Variants in UNC13B observed in about 807,000 individuals in gnomAD.
UNC13B encodes the protein protein unc-13 homolog B.
In UNC13B, 144 loss-of-function variants were observed where a neutral mutation model predicts 211.0. The ratio of observed to expected loss-of-function variants is 0.68; its 90% CI spans 0.60 to 0.78. The LOEUF (loss-of-function observed/expected upper bound fraction) is 0.78, where lower values mean the gene tolerates loss of function less well. Among genes scored for constraint, UNC13B ranks in the 30% least tolerant of loss-of-function variants. The pLI is 0.00. For synonymous variants in UNC13B, 709 were observed against 725.8 expected (o/e 0.98, Z 0.37); for missense variants, 1,777 against 2,002.0 (o/e 0.89, Z 2.14).
chr9:35,399,858 G>T (rs1206834062), intron 36 of UNC13B, 129 bp downstream of exon 36: 2 of 892,912 alleles, frequency 2.2e-6, no homozygotes, highest in East Asian at 5.0e-5. Flanking sequence ...ACTATGTACT[G>T]CCAAGGATAC....
intron 12 of UNC13B, among the ~76,000 whole-genome samples, chr9:35,367,830 G>A (rs1316598243): frequency 2.0e-5 from 3 of 152,156 alleles, no homozygotes; most frequent in African/African-American, 7.2e-5. Flanking sequence ...GTAACTGACT[G>A]TTCTTAAAGA....
intron 11 of UNC13B, among the ~76,000 whole-genome samples, chr9:35,322,148 C>A (rs942177850): frequency 6.6e-6 from 1 of 152,198 alleles, no homozygotes; most frequent in Non-Finnish European, 1.5e-5. Context: ...AGAGTCATCT[C>A]TGTGTCTTCT....
At chr9:35,166,963 A>AT (rs1244363761) in intron 1 of UNC13B, among the ~76,000 whole-genome samples, 1 of 152,196 alleles carries the variant, frequency 6.6e-6, no homozygotes, top group African/African-American at 2.4e-5. Context: ...AGCCTGTGGC[A>AT]TGTGAGCTGC....
intron 9 of UNC13B, among the ~76,000 whole-genome samples, chr9:35,309,901 C>T (rs1397402679): frequency 6.6e-6 from 1 of 152,166 alleles, no homozygotes; most frequent in Non-Finnish European, 1.5e-5. Context: ...CCAATGGGTT[C>T]TATTAACTCA....
At chr9:35,401,869 G>T in intron 37 of UNC13B, 1 of 1,361,648 alleles carries the variant, frequency 7.3e-7, no homozygotes, top group South Asian at 1.3e-5. Context: ...TTGAATGGCT[G>T]TTAACTCCTT....
intron 3 of UNC13B, among the ~76,000 whole-genome samples, chr9:35,234,208 T>G (rs1486754128): frequency 1.3e-5 from 2 of 152,124 alleles, no homozygotes; most frequent in African/African-American, 2.4e-5. Context: ...CTTGATCTCC[T>G]GGGCTCAAAT....
At chr9:35,192,184 A>T (rs978847386) in intron 1 of UNC13B, among the ~76,000 whole-genome samples, 4 of 152,228 alleles carry the variant, frequency 2.6e-5, no homozygotes, top group Non-Finnish European at 5.9e-5. Context: ...TTGAAAGAAC[A>T]TTATAAAAGC....
chr9:35,348,342 A>G (rs1325581558), intron 11 of UNC13B, among the ~76,000 whole-genome samples: 1 of 152,210 alleles, frequency 6.6e-6, no homozygotes, highest in Admixed American at 6.5e-5. Flanking sequence ...TCTCTTCCTC[A>G]GCGTTCAGGC....
chr9:35,209,493 T>C (rs566264688), intron 1 of UNC13B, among the ~76,000 whole-genome samples: 7 of 152,304 alleles, frequency 4.6e-5, no homozygotes, highest in Non-Finnish European at 8.8e-5. Flanking sequence ...TTCTCCTGCC[T>C]CAGCCTCCTA....
chr9:35,240,544 A>G (rs959937785), intron 5 of UNC13B, among the ~76,000 whole-genome samples: 3 of 152,166 alleles, frequency 2.0e-5, no homozygotes, highest in Non-Finnish European at 4.4e-5. Context: ...TCTTGGTTCA[A>G]ATACCACAGA....
At chr9:35,393,819 C>G (rs972242855) in intron 26 of UNC13B, among the ~76,000 whole-genome samples, 1 of 152,068 alleles carries the variant, frequency 6.6e-6, no homozygotes, top group Non-Finnish European at 1.5e-5. Context: ...GATCCACCCC[C>G]CTCAGCCTCC....
chr9:35,384,109 T>C (rs760928957), intron 21 of UNC13B, 137 bp from the exon 22 acceptor site: 82 of 1,351,344 alleles, frequency 6.1e-5, no homozygotes, highest in Non-Finnish European at 7.6e-5. Context: ...GTTCTTCCCA[T>C]GGGCAGGGAT....
intron 6 of UNC13B, among the ~76,000 whole-genome samples, chr9:35,252,943 A>T (rs1826598258): frequency 6.6e-6 from 1 of 152,012 alleles, no homozygotes; most frequent in Non-Finnish European, 1.5e-5. Flanking sequence ...AGAAAAAAAA[A>T]ATTTTTTTTC....
Position 35,396,588 on chromosome 9 carries a change from G to T in UNC13B, c.11421G>T (p.Val3807=). The T allele has an allele frequency of 6.2e-7, 1 of 1,614,022 alleles. No individual in the cohort carries two copies. Among genetic ancestry groups the T allele is most frequent in the Non-Finnish European group, 8.5e-7 (1 of 1,180,028 alleles). ...VRDLPVLQGQ[V]PEYPAWFEQF... ...ATCTGCCTGTCCTCCAGGGGCAGGT[G>T]CCTGAGTACCCAGCGTGAGTCATCA... The change falls in exon 27 of 40, where the codon GTG becomes GTT. Residue 3807 remains valine (V), a synonymous_variant. Transcript: ENST00000635942.
At chr9:35,320,545 T>G (rs1234803220) in intron 11 of UNC13B, among the ~76,000 whole-genome samples, 1 of 152,232 alleles carries the variant, frequency 6.6e-6, no homozygotes, top group African/African-American at 2.4e-5. Context: ...CATATAGAAT[T>G]ATTTATATTT....
Position 35,302,153 on chromosome 9 carries a change from A to G in UNC13B, c.2749A>G (p.Lys917Glu), listed in dbSNP as rs1829717546. 1 of 398,806 alleles carries G rather than the reference A, an allele frequency of 2.5e-6. No homozygotes were observed. Among genetic ancestry groups the G allele is most frequent in the Non-Finnish European group, 4.4e-6 (1 of 225,840 alleles). 24.7% of individuals were successfully genotyped at this position (398,806 alleles called of 1,614,324 possible). Reference protein sequence around the residue: ...SAVTTDEESKKNCHEDTKHSS... With the variant: ...SAVTTDEESKENCHEDTKHSS... Reference sequence around the variant, plus strand: ...AGTAACCACTGATGAGGAGAGCAAAAAAAATTGCCATGAAGATACCAAACA... The same window carrying G: ...AGTAACCACTGATGAGGAGAGCAAAGAAAATTGCCATGAAGATACCAAACA... Residue 917 changes from lysine to glutamate, a missense_variant, in exon 9 of 40, where the codon AAA becomes GAA. Coordinates refer to ENST00000635942, the MANE Select transcript of UNC13B (RefSeq NM_001371189.2).
rs1829958456 is a variant in UNC13B at position 35,307,015 on chromosome 9, TTG to T, written c.7613_7614del (p.Cys2538PhefsTer28). 1.5e-5 allele frequency: 6 copies of T among 398,990 alleles called. No homozygotes were observed. In the East Asian group the frequency reaches 2.1e-4, roughly 14 times the overall value. 24.7% of individuals were successfully genotyped at this position (398,990 alleles called of 1,614,324 possible). ...CAGCTACTTCATGGCTTCAAAATGG[TTG>T]TTCCAGAGATGCTGTAGGATCAGTA... ...LPATSWLQNG[C>X]SRDAVGSVPP... On this transcript the variant is annotated frameshift_variant, in exon 9 of 40. Coordinates refer to ENST00000635942, the MANE Select transcript of UNC13B (RefSeq NM_001371189.2). LOFTEE classifies it high-confidence loss of function.
intron 8 of UNC13B, among the ~76,000 whole-genome samples, chr9:35,297,547 C>CTGTTTTT (rs1829430629): frequency 9.9e-6 from 1 of 100,876 alleles, no homozygotes; most frequent in African/African-American, 4.1e-5. Flanking sequence ...CATACTTTGT[C>CTGTTTTT]TTTTTTTTTT....
intron 11 of UNC13B, among the ~76,000 whole-genome samples, chr9:35,341,129 T>C (rs1405425915): frequency 1.3e-5 from 2 of 152,206 alleles, no homozygotes; most frequent in African/African-American, 4.8e-5. Context: ...TTTTTGGTCA[T>C]GGTGATATCA....
Sources: gnomAD v4.1 joint callset for allele counts (sites outside exome capture counted in the v4.1 genomes callset) on GRCh38, gnomAD v4.1.1 for gene constraint, MANE v1.5 for transcripts, NCBI Gene and HGNC (gene_info 2026-07-23, HGNC 2026-07-21) for gene names.